ARHGEF3: variants seen among roughly 807,000 people sequenced by gnomAD.
ARHGEF3 encodes 59.8 kDA protein.
A neutral mutation model predicts 63.2 loss-of-function variants in ARHGEF3; 28 were observed. That is an observed-to-expected ratio of 0.44 (90% CI 0.33 to 0.61). The LOEUF (loss-of-function observed/expected upper bound fraction) is 0.61. Among genes scored for constraint, ARHGEF3 ranks in the 20% least tolerant of loss-of-function variants. The probability of loss-of-function intolerance (pLI) is 0.03; values close to 1 mark genes in which losing one functional copy is unlikely to be tolerated. For missense variants in ARHGEF3, 533 were observed against 659.3 expected (o/e 0.81, Z 2.10); for synonymous variants, 266 against 254.2 (o/e 1.05, Z -0.44).
At chr3:56,910,718 G>A (rs1239258935) in intron 3 of ARHGEF3, among the ~76,000 whole-genome samples, 2 of 152,190 alleles carry the variant, frequency 1.3e-5, no homozygotes, top group Non-Finnish European at 2.9e-5. Context: ...CCGGTGGTAT[G>A]TGGATATGAA....
At chr3:56,802,772 G>A (rs548156441), upstream of ARHGEF3, among the ~76,000 whole-genome samples, 1 of 152,312 alleles carries the variant, frequency 6.6e-6, no homozygotes, top group Non-Finnish European at 1.5e-5. Context: ...AAATGCCCAA[G>A]AAGGCGATTG....
intron 4 of ARHGEF3, among the ~76,000 whole-genome samples, chr3:56,816,814 G>C (rs981465116): frequency 4.6e-5 from 7 of 152,222 alleles, no homozygotes; most frequent in African/African-American, 1.7e-4. Flanking sequence ...CAATTCTGAA[G>C]CGGAACGTTA....
At chr3:57,033,568 G>C (rs1291264347) in intron 2 of ARHGEF3, among the ~76,000 whole-genome samples, 1 of 152,012 alleles carries the variant, frequency 6.6e-6, no homozygotes, top group Non-Finnish European at 1.5e-5. Flanking sequence ...AAAGGAAAGA[G>C]TGACTTTTGT....
At chr3:57,069,376 A>C (rs372456761) in intron 1 of ARHGEF3, among the ~76,000 whole-genome samples, 3 of 146,362 alleles carry the variant, frequency 2.0e-5, no homozygotes, top group Non-Finnish European at 4.5e-5. Flanking sequence ...CTGTCTCTCA[A>C]ACACACACAC....
intron 2 of ARHGEF3, among the ~76,000 whole-genome samples, chr3:56,960,014 G>A (rs1268166437): frequency 6.6e-6 from 1 of 152,146 alleles, no homozygotes; most frequent in Non-Finnish European, 1.5e-5. Context: ...TTACACAATA[G>A]TCACTTTTAC....
chr3:57,008,149 A>G (rs914459422), intron 2 of ARHGEF3, among the ~76,000 whole-genome samples: 1 of 152,152 alleles, frequency 6.6e-6, no homozygotes, highest in Non-Finnish European at 1.5e-5. Context: ...GCCACGCTAC[A>G]TGTACTTTCC....
At chr3:56,781,022 A>G (rs1451843246) in intron 1 of ARHGEF3, among the ~76,000 whole-genome samples, 1 of 152,244 alleles carries the variant, frequency 6.6e-6, no homozygotes, top group Non-Finnish European at 1.5e-5. Context: ...AGTTTAGAGT[A>G]GGCCCTAAAT....
At chr3:56,826,381 C>G (rs2038713820) in intron 4 of ARHGEF3, among the ~76,000 whole-genome samples, 1 of 152,164 alleles carries the variant, frequency 6.6e-6, no homozygotes, top group Non-Finnish European at 1.5e-5. Flanking sequence ...AAATGAGTAG[C>G]TGCCTTCTTA....
chr3:56,912,132 T>C (rs539601518), intron 3 of ARHGEF3, among the ~76,000 whole-genome samples: 2 of 152,274 alleles, frequency 1.3e-5, no homozygotes, highest in South Asian at 4.1e-4. Flanking sequence ...ATCATTTGAC[T>C]TTGAAGTAGG....
At chr3:56,910,796 A>G (rs1024795262) in intron 3 of ARHGEF3, among the ~76,000 whole-genome samples, 6 of 152,226 alleles carry the variant, frequency 3.9e-5, no homozygotes, top group Admixed American at 3.3e-4. Context: ...TCACAATCAT[A>G]ATCATAGTGA....
In ARHGEF3 at chr3:56,876,549, G is replaced by A. The variant is rs547280276; in HGVS notation, c.192+5743C>T. The stretch of plus-strand genomic sequence containing the variant: ...ATTTCTGTGTAGATTTCTCAAAGGG[G>A]ACAGAAGAGTGGTTGTAACAACAAC... On this transcript the variant is annotated intron_variant, in intron 4 of 12. Transcript: ENST00000338458. Among the ~76,000 whole-genome samples the A allele has an allele frequency of 1.1e-4, 16 of 150,600 alleles. No homozygotes were observed. In the East Asian group the frequency reaches 2.8e-3, roughly 26 times the overall value.
intron 7 of ARHGEF3, among the ~76,000 whole-genome samples, chr3:56,741,512 T>G: frequency 7.6e-6 from 1 of 132,320 alleles, no homozygotes; most frequent in East Asian, 2.2e-4. Context: ...TTTTTTTTTT[T>G]TTTTTTTTTT....
intron 2 of ARHGEF3, among the ~76,000 whole-genome samples, chr3:56,987,238 G>A (rs955474544): frequency 6.6e-6 from 1 of 151,978 alleles, no homozygotes; most frequent in Non-Finnish European, 1.5e-5. Context: ...AGTAACTCTG[G>A]GTTGCCAACG....
chr3:56,926,274 G>A (rs1408207206), intron 3 of ARHGEF3, among the ~76,000 whole-genome samples: 1 of 152,202 alleles, frequency 6.6e-6, no homozygotes, highest in Non-Finnish European at 1.5e-5. Flanking sequence ...GACAGTCAAG[G>A]GGTCTATGGA....
chr3:57,022,816 C>A (rs1481514526), intron 2 of ARHGEF3, among the ~76,000 whole-genome samples: 2 of 148,882 alleles, frequency 1.3e-5, no homozygotes, highest in African/African-American at 2.4e-5. Flanking sequence ...GGCTGATCCA[C>A]ACGTATGACC....
intron 1 of ARHGEF3, among the ~76,000 whole-genome samples, chr3:56,777,928 T>G (rs189556005): frequency 2.0e-3 from 301 of 152,324 alleles, no homozygotes; most frequent in Non-Finnish European, 2.7e-3. Context: ...CTCTTACCCA[T>G]GAGTTGATGG....
chr3:56,794,868 T>G (rs2037269794), intron 1 of ARHGEF3, among the ~76,000 whole-genome samples: 1 of 152,156 alleles, frequency 6.6e-6, no homozygotes, highest in Non-Finnish European at 1.5e-5. Context: ...TATTTTCTTT[T>G]TTTTTCTGAG....
chr3:57,045,043 G>A (rs930693890), intron 1 of ARHGEF3, among the ~76,000 whole-genome samples: 10 of 152,162 alleles, frequency 6.6e-5, no homozygotes, highest in African/African-American at 2.4e-4. Flanking sequence ...GAGGCAGATG[G>A]ATCACCTGAA....
At chr3:57,067,617 A>C (rs1029344704) in intron 1 of ARHGEF3, among the ~76,000 whole-genome samples, 3 of 151,208 alleles carry the variant, frequency 2.0e-5, no homozygotes, top group Non-Finnish European at 2.9e-5. Flanking sequence ...AGAAAATCAC[A>C]TGAGGCCAGG....
Sources: allele counts gnomAD v4.1 joint callset (sites outside exome capture counted in the v4.1 genomes callset), GRCh38; gene constraint gnomAD v4.1.1; transcripts MANE v1.5; gene names NCBI Gene and HGNC (gene_info 2026-07-23, HGNC 2026-07-21).